The following XCR1 variants were observed in gnomAD, a reference collection of about 807,000 sequenced individuals.
XCR1 encodes the protein X-C motif chemokine receptor 1.
For missense variants in XCR1, 356 were observed against 424.2 expected (o/e 0.84, Z 1.41); for synonymous variants, 187 against 188.5 (o/e 0.99, Z 0.06).
At chr3:46,041,232 T>C (rs1697532059) in intron 5 of XCR1, among the ~76,000 whole-genome samples, 1 of 152,156 alleles carries the variant, frequency 6.6e-6, no homozygotes, top group Admixed American at 6.5e-5. Context: ...TGGGACACAG[T>C]TGGAGGAATT....
At chr3:46,028,773 G>A (rs182460335), upstream of XCR1, among the ~76,000 whole-genome samples, 13 of 151,906 alleles carry the variant, frequency 8.6e-5, no homozygotes, top group East Asian at 2.3e-3. Context: ...TAATTTTTTT[G>A]TAGAGACAGG....
intron 5 of XCR1, among the ~76,000 whole-genome samples, chr3:46,035,014 G>A (rs1274549863): frequency 6.6e-6 from 1 of 152,140 alleles, no homozygotes; most frequent in Non-Finnish European, 1.5e-5. Flanking sequence ...GAGTGCAGTG[G>A]TGTGATCTCG....
intron 5 of XCR1, among the ~76,000 whole-genome samples, chr3:46,042,429 G>C (rs1402892996): frequency 6.6e-6 from 1 of 152,068 alleles, no homozygotes; most frequent in Non-Finnish European, 1.5e-5. Flanking sequence ...ATTGAGTAAA[G>C]AGACAGTTAG....
chr3:46,084,711 A>G (rs1264620218), intron 1 of XCR1, among the ~76,000 whole-genome samples: 9 of 152,232 alleles, frequency 5.9e-5, no homozygotes, highest in Middle Eastern at 3.2e-3. Context: ...CAAATACTGA[A>G]TGTACACGCT....
Position 46,069,518 on chromosome 3 carries a change from A to G in XCR1, c.-262-2540T>C, listed in dbSNP as rs1315138159. Among the ~76,000 whole-genome samples the G allele has an allele frequency of 2.6e-5, 4 of 152,266 alleles. No homozygotes were observed. The East Asian group carries it at 7.7e-4, about 29-fold the overall frequency. The stretch of plus-strand genomic sequence containing the variant: ...ACCTCCTCTATCTCCATGCAGTTGA[A>G]AATCTGCATATAACATTTGACTCTC... On this transcript the variant is annotated intron_variant, in intron 3 of 5. Transcript: ENST00000683768.
Position 46,058,000 on chromosome 3 carries a change from C to T in XCR1, c.-182-3930G>A, listed in dbSNP as rs576004798. Among the ~76,000 whole-genome samples the T allele has an allele frequency of 2.2e-4, 34 of 152,070 alleles. 1 individual carries two copies. Among genetic ancestry groups the T allele is most frequent in the African/African-American group, 8.0e-4 (33 of 41,480 alleles). Reference sequence around the variant, plus strand: ...CATCTATCGATCATCTATCTTGCTACCTATCTCCTACATCCTACTGGATAT... The same window carrying T: ...CATCTATCGATCATCTATCTTGCTATCTATCTCCTACATCCTACTGGATAT... On this transcript the variant is annotated intron_variant, in intron 4 of 5. Coordinates refer to the XCR1 transcript ENST00000683768.
At chr3:46,048,904 T>C (rs1278607404) in intron 5 of XCR1, among the ~76,000 whole-genome samples, 3 of 152,228 alleles carry the variant, frequency 2.0e-5, no homozygotes, top group Non-Finnish European at 2.9e-5. Context: ...GTGCCTGCTC[T>C]ATAATGCCTT....
intron 5 of XCR1, among the ~76,000 whole-genome samples, chr3:46,040,361 A>T (rs1207534530): frequency 6.6e-6 from 1 of 152,166 alleles, no homozygotes. Context: ...TCAAGTTCCA[A>T]ATTCAGTCTT....
intron 4 of XCR1, among the ~76,000 whole-genome samples, chr3:46,059,753 C>T (rs551208980): frequency 2.6e-5 from 4 of 152,188 alleles, no homozygotes; most frequent in Admixed American, 2.6e-4. Flanking sequence ...TGTGTATACA[C>T]CTTTATTGAG....
chr3:46,066,263 T>A (rs1698070272), intron 4 of XCR1, among the ~76,000 whole-genome samples: 1 of 151,978 alleles, frequency 6.6e-6, no homozygotes, highest in Non-Finnish European at 1.5e-5. Flanking sequence ...TTTCTTTCTT[T>A]TCTTCGGAGT....
rs61282576 is a variant in XCR1, at chr3:46,082,476, C to CTT, written c.-515+3316_-515+3317dup. The stretch of plus-strand genomic sequence containing the variant: ...TAAACAAATGCCTATAATCAGGCTC[C>CTT]TTTTTTTTTTTTTTTTTTTTTTCCT... On this transcript the variant is annotated intron_variant, in intron 1 of 5. Coordinates refer to the XCR1 transcript ENST00000683768. 6.3e-3 allele frequency among the ~76,000 whole-genome samples: 635 copies of CTT among 100,034 alleles called. 6 individuals carry two copies. The highest frequency in any genetic ancestry group is 0.05 in the South Asian group (128 of 2,554). The allele number at this position is 100,034 out of a possible 152,430, so 65.6% of individuals were successfully genotyped here. A position where few individuals can be genotyped will look rare whatever the true frequency, so the allele number is the denominator to read the frequency against.
At chr3:46,040,955 A>AT (rs1353463812) in intron 5 of XCR1, among the ~76,000 whole-genome samples, 2 of 152,020 alleles carry the variant, frequency 1.3e-5, no homozygotes, top group African/African-American at 4.8e-5. Context: ...GGACTAAAAT[A>AT]TTTTTTATGG....
At chr3:46,024,275 A>T (rs1193029659) in intron 1 of XCR1, 3 of 308,256 alleles carry the variant, frequency 9.7e-6, no homozygotes, top group African/African-American at 2.2e-5. Flanking sequence ...GGTCCCGGAA[A>T]TGTTTCATCA....
intron 5 of XCR1, among the ~76,000 whole-genome samples, chr3:46,044,581 A>T (rs1697591324): frequency 1.3e-5 from 2 of 152,210 alleles, no homozygotes; most frequent in Non-Finnish European, 2.9e-5. Flanking sequence ...TAGTTCTTTG[A>T]AACAAATCAA....
intron 5 of XCR1, among the ~76,000 whole-genome samples, chr3:46,041,741 C>A (rs1231671025): frequency 6.6e-6 from 1 of 152,110 alleles, no homozygotes; most frequent in Non-Finnish European, 1.5e-5. Context: ...GGAAAGGATC[C>A]CCTGGTCTCC....
At chr3:46,065,230 T>C (rs1369505765) in intron 4 of XCR1, among the ~76,000 whole-genome samples, 1 of 152,254 alleles carries the variant, frequency 6.6e-6, no homozygotes, top group Non-Finnish European at 1.5e-5. Context: ...CACTTTGTTA[T>C]GTAGCAATAG....
chr3:46,048,748 C>A (rs1401688549), intron 5 of XCR1, among the ~76,000 whole-genome samples: 1 of 152,144 alleles, frequency 6.6e-6, no homozygotes, highest in East Asian at 1.9e-4. Context: ...CTAACACTTG[C>A]CAATGTCTTT....
At chr3:46,079,709 A>G (rs1431755685) in intron 1 of XCR1, among the ~76,000 whole-genome samples, 1 of 152,204 alleles carries the variant, frequency 6.6e-6, no homozygotes, top group Non-Finnish European at 1.5e-5. Context: ...CCCCTTGGAC[A>G]AAAACTGAAC....
chr3:46,082,600 C>T (rs1698393905), intron 1 of XCR1, among the ~76,000 whole-genome samples: 3 of 150,924 alleles, frequency 2.0e-5, no homozygotes, highest in African/African-American at 7.3e-5. Context: ...AAGCAATCCT[C>T]CCGACTCAGC....
Sources: allele counts gnomAD v4.1 joint callset (sites outside exome capture counted in the v4.1 genomes callset), GRCh38; gene constraint gnomAD v4.1.1; transcripts MANE v1.5; gene names NCBI Gene and HGNC (gene_info 2026-07-23, HGNC 2026-07-21).